The following CLIP2 variants were observed in gnomAD, a reference collection of about 807,000 sequenced individuals.
CLIP2 encodes the protein CAP-Gly domain-containing linker protein 2.
Under a neutral mutation model 111.7 loss-of-function variants are expected in CLIP2, and 41 were observed. That is an observed-to-expected ratio of 0.37 (90% confidence interval 0.29 to 0.48). The LOEUF (loss-of-function observed/expected upper bound fraction) is 0.48, where lower values mean the gene tolerates loss of function less well. Ranked by LOEUF, CLIP2 falls within the 20% of genes least tolerant of loss-of-function variation. CLIP2 has a pLI of 0.99. For synonymous variants in CLIP2, 660 were observed against 644.2 expected (o/e 1.02, Z -0.37); for missense variants, 1,160 against 1,422.1 (o/e 0.82, Z 2.96).
intron 2 of CLIP2, among the ~76,000 whole-genome samples, chr7:74,323,842 G>T (rs1789035751): frequency 6.6e-6 from 1 of 152,174 alleles, no homozygotes; most frequent in Non-Finnish European, 1.5e-5. Flanking sequence ...CAGTGGACTA[G>T]ACCATATAGG....
intron 2 of CLIP2, among the ~76,000 whole-genome samples, chr7:74,320,255 G>A (rs1179705596): frequency 8.6e-5 from 13 of 150,746 alleles, no homozygotes; most frequent in African/African-American, 2.0e-4. Context: ...GCCGGGCACA[G>A]TGACTCAAGC....
At chr7:74,330,659 C>T (rs887789325) in intron 2 of CLIP2, among the ~76,000 whole-genome samples, 1 of 152,136 alleles carries the variant, frequency 6.6e-6, no homozygotes, top group Non-Finnish European at 1.5e-5. Flanking sequence ...CTGAACTCTG[C>T]TGTGTCACCA....
chr7:74,367,984 G>A (rs905576628), intron 8 of CLIP2, among the ~76,000 whole-genome samples: 9 of 152,084 alleles, frequency 5.9e-5, no homozygotes, highest in South Asian at 4.1e-4. Flanking sequence ...AAGCCAAGGC[G>A]GGAGGATTGA....
intron 10 of CLIP2, among the ~76,000 whole-genome samples, chr7:74,379,393 T>C (rs1302009223): frequency 1.3e-5 from 2 of 151,856 alleles, no homozygotes; most frequent in Non-Finnish European, 2.9e-5. Context: ...TAAACGCATA[T>C]GTCCCCATGT....
chr7:74,373,640 A>AC (rs1234186890), intron 9 of CLIP2, among the ~76,000 whole-genome samples: 2 of 151,442 alleles, frequency 1.3e-5, no homozygotes, highest in African/African-American at 2.4e-5. Context: ...GTCCTGTGAG[A>AC]CCCCCCAGTC....
intron 8 of CLIP2, among the ~76,000 whole-genome samples, chr7:74,365,625 C>T (rs1790456889): frequency 6.6e-6 from 1 of 151,090 alleles, no homozygotes; most frequent in Non-Finnish European, 1.5e-5. Flanking sequence ...CAGACAGTGA[C>T]AGCTAAGTCA....
intron 1 of CLIP2, among the ~76,000 whole-genome samples, chr7:74,311,929 A>AAAAG (rs1346893621): frequency 7.2e-6 from 1 of 138,156 alleles, no homozygotes; most frequent in African/African-American, 2.5e-5. Flanking sequence ...AAAAAAAAAA[A>AAAAG]AAAGAAAGAA....
intron 2 of CLIP2, among the ~76,000 whole-genome samples, chr7:74,325,706 T>G (rs1206736386): frequency 6.6e-6 from 1 of 150,916 alleles, no homozygotes; most frequent in East Asian, 2.0e-4. Context: ...GTGGCACACA[T>G]CTGTAATCCC....
At chr7:74,332,852 G>A (rs1359212026) in intron 2 of CLIP2, among the ~76,000 whole-genome samples, 1 of 152,196 alleles carries the variant, frequency 6.6e-6, no homozygotes, top group Non-Finnish European at 1.5e-5. Flanking sequence ...GTTTGGCCAT[G>A]CCTCTTGTCC....
At chr7:74,301,779 C>T (rs983937278) in intron 1 of CLIP2, among the ~76,000 whole-genome samples, 5 of 151,644 alleles carry the variant, frequency 3.3e-5, no homozygotes, top group Non-Finnish European at 5.9e-5. Context: ...CTGGCGTGAT[C>T]TCGGCTCACT....
chr7:74,376,485 A>T lies in CLIP2; in HGVS notation c.2084A>T (p.Glu695Val), dbSNP rs1790791752. 6.2e-7 allele frequency: 1 copy of T among 1,612,850 alleles called. No homozygotes were observed. Among genetic ancestry groups the T allele is most frequent in the African/African-American group, 1.3e-5 (1 of 74,662 alleles). Reference protein sequence around the residue: ...LREKLQEAQEELAGLQRHWRA... With the variant: ...LREKLQEAQEVLAGLQRHWRA... ...GAGAAGCTGCAGGAGGCCCAGGAGG[A>T]GCTGGCTGGGCTGCAGCGGCACTGG... Residue 695 changes from glutamate (E) to valine (V), a missense_variant, in exon 10 of 17, where the codon GAG becomes GTG. By Grantham distance (121) the Glu-to-Val change is moderately radical. Transcript: ENST00000223398. The surrounding 1 kb of genome is among the most constrained non-coding windows in gnomAD (Gnocchi z 7.1).
rs1554732593 is a variant in CLIP2 at position 74,338,517 on chromosome 7, C to A, written c.191C>A (p.Pro64Gln). 1 of 1,610,072 alleles carries A rather than the reference C, an allele frequency of 6.2e-7. No homozygotes were observed. The highest frequency in any genetic ancestry group is 1.7e-4 in the Middle Eastern group (1 of 6,016). The change falls in exon 3 of 17, where the codon CCG (proline) becomes CAG (glutamine). Residue 64 changes from proline to glutamine, a missense_variant. Pro to Gln is a moderately conservative substitution (Grantham distance 76, BLOSUM62 -1). Coordinates refer to ENST00000223398, the MANE Select transcript of CLIP2 (RefSeq NM_003388.5). This position sits in a 1 kb window ranked among gnomAD's most constrained non-coding sequence, Gnocchi z 4.3. Reference sequence around the variant, plus strand: ...GCCGCAGCTGCTGCCCCCGAGAAGCCGGGCCCCAAGGCGGCGGAAGTGGGG... The same window carrying A: ...GCCGCAGCTGCTGCCCCCGAGAAGCAGGGCCCCAAGGCGGCGGAAGTGGGG... Reference protein sequence around the residue: ...SPAAAAAPEKPGPKAAEVGDD... With the variant: ...SPAAAAAPEKQGPKAAEVGDD...
At chr7:74,365,270 G>A (rs1790447464) in intron 8 of CLIP2, among the ~76,000 whole-genome samples, 1 of 152,106 alleles carries the variant, frequency 6.6e-6, no homozygotes, top group African/African-American at 2.4e-5. Context: ...CCCTGTGCCA[G>A]CTGCAGTCAC....
chr7:74,345,856 AAG>A (rs1232073001), intron 3 of CLIP2, among the ~76,000 whole-genome samples: 2 of 151,652 alleles, frequency 1.3e-5, no homozygotes, highest in East Asian at 1.9e-4. Context: ...TCAAGAAAGC[AAG>A]AGAGAGAGAG....
intron 7 of CLIP2, among the ~76,000 whole-genome samples, chr7:74,362,835 A>G (rs1046814811): frequency 1.1e-4 from 17 of 151,626 alleles, no homozygotes; most frequent in Non-Finnish European, 2.2e-4. Flanking sequence ...GTGCTCAGCC[A>G]CAAACACAAG....
intron 3 of CLIP2, among the ~76,000 whole-genome samples, chr7:74,349,472 ATATATATATATATATAT>A (rs1789915099): frequency 1.6e-5 from 1 of 61,476 alleles, no homozygotes; most frequent in South Asian, 5.4e-4. Flanking sequence ...GTGTGTGTGT[ATATATATATATATATAT>A]ATATATATAT....
At chr7:74,364,511 G>T (rs191624441) in intron 8 of CLIP2, among the ~76,000 whole-genome samples, 196 bp downstream of exon 8, 130 of 152,300 alleles carry the variant, frequency 8.5e-4, no homozygotes, top group African/African-American at 3.1e-3. Context: ...GGGAAGCTGT[G>T]CTCCCCGTGT....
At chr7:74,291,829 G>T (rs1397415478) in intron 1 of CLIP2, among the ~76,000 whole-genome samples, 1 of 151,888 alleles carries the variant, frequency 6.6e-6, no homozygotes, top group Non-Finnish European at 1.5e-5. Context: ...AGTTGTCCCT[G>T]CTCCCCACCT....
intron 3 of CLIP2, among the ~76,000 whole-genome samples, chr7:74,351,067 GAA>G (rs1554307415): frequency 2.3e-5 from 1 of 43,508 alleles, no homozygotes; most frequent in Non-Finnish European, 5.1e-5. Flanking sequence ...GAAAGAAAGA[GAA>G]AGAAAGAAAG....
Sources: allele counts gnomAD v4.1 joint callset (sites outside exome capture counted in the v4.1 genomes callset), GRCh38; gene constraint gnomAD v4.1.1; non-coding constraint Gnocchi (gnomAD v3.1); transcripts MANE v1.5; gene names NCBI Gene and HGNC (gene_info 2026-07-23, HGNC 2026-07-21).